TMEM220: variants seen among roughly 807,000 people sequenced by gnomAD.
The protein encoded by TMEM220 is transmembrane protein 220.
A neutral mutation model predicts 21.7 loss-of-function variants in TMEM220; 21 were observed. The observed-to-expected ratio is 0.97, with a 90% CI of 0.69 to 1.39. The LOEUF (loss-of-function observed/expected upper bound fraction) is 1.39, where lower values mean the gene tolerates loss of function less well. Among genes scored for constraint, TMEM220 ranks in the 40% most tolerant of loss-of-function variants. The probability of loss-of-function intolerance (pLI) is 0.00; values close to 1 mark genes in which losing one functional copy is unlikely to be tolerated. For synonymous variants in TMEM220, 80 were observed against 73.6 expected (o/e 1.09, Z -0.45); for missense variants, 191 against 201.9 (o/e 0.95, Z 0.33).
At position 10,715,349 on chromosome 17, in the gene TMEM220, C is replaced by CTG; in HGVS notation, c.*103_*104insCA. On this transcript the variant is annotated 3_prime_UTR_variant, in exon 6 of 6. Coordinates refer to ENST00000341871, the MANE Select transcript of TMEM220 (RefSeq NM_001004313.3). ...TAAAAAGTTATTTGGAGTTTTAAAA[C>CTG]TATTAGCCCAAATTACCTGAAATAA... 1.2e-6 allele frequency: 1 copy of CTG among 832,008 alleles called. No individual in the cohort carries two copies. The highest frequency in any genetic ancestry group is 4.8e-5 in the African/African-American group (1 of 20,696). 51.5% of individuals were successfully genotyped at this position (832,008 alleles called of 1,614,324 possible). A position where few individuals can be genotyped will look rare whatever the true frequency, so the allele number is the denominator to read the frequency against.
Position 10,729,847 on chromosome 17 carries a change from G to T in TMEM220, c.5C>A (p.Ala2Glu). ...GTTGCAGGCCCGCCACAGCGCTGGCGCCATGGCTCGGAGAACACGGCGCGG... is the reference window on the plus strand; with the variant it reads ...GTTGCAGGCCCGCCACAGCGCTGGCTCCATGGCTCGGAGAACACGGCGCGG... M[A>E]PALWRACNGL... The change falls in exon 1 of 6, where the codon GCG becomes GAG. Residue 2 changes from alanine to glutamate, a missense_variant. Coordinates refer to ENST00000341871, the MANE Select transcript of TMEM220 (RefSeq NM_001004313.3). 7 of 1,356,526 alleles carry T rather than the reference G, an allele frequency of 5.2e-6. No individual in the cohort carries two copies. Among genetic ancestry groups the T allele is most frequent in the Non-Finnish European group, 6.7e-6 (7 of 1,048,652 alleles). The allele number at this position is 1,356,526 out of a possible 1,614,324, so 84.0% of individuals were successfully genotyped here.
intron 3 of TMEM220, among the ~76,000 whole-genome samples, chr17:10,725,364 T>C (rs1299137175): frequency 6.6e-6 from 1 of 152,152 alleles, no homozygotes; most frequent in Non-Finnish European, 1.5e-5. Flanking sequence ...CCTAGGATGA[T>C]TACCCTTATT....
At position 10,725,038 on chromosome 17, in the gene TMEM220, T is replaced by C; in HGVS notation, c.260A>G (p.Gln87Arg). Residue 87 changes from glutamine (Q) to arginine (R), a missense_variant, in exon 4 of 6, where the codon CAG becomes CGG. By Grantham distance (43) the Gln-to-Arg change is conservative. Coordinates refer to ENST00000341871, the MANE Select transcript of TMEM220 (RefSeq NM_001004313.3). The part of the protein sequence containing the change: ...LASYLLHRTQ[Q>R]NILHEEEGRE... ...GCCTTCTTCCTCATGTAAGATGTTC[T>C]GTTGTGTACGATGCAAGAGGTAGGA... The C allele has an allele frequency of 6.2e-7, 1 of 1,614,188 alleles. No individual in the cohort carries two copies. The highest frequency in any genetic ancestry group is 8.5e-7 in the Non-Finnish European group (1 of 1,180,022).
chr17:10,715,865 G>T, intron 5 of TMEM220: 2 of 348,314 alleles, frequency 5.7e-6, no homozygotes, highest in Non-Finnish European at 1.0e-5. Context: ...TTTTCCTAAT[G>T]ATTTTTGTGC....
intron 1 of TMEM220, among the ~76,000 whole-genome samples, chr17:10,729,519 G>A (rs932235466): frequency 7.2e-5 from 11 of 152,340 alleles, no homozygotes; most frequent in South Asian, 6.2e-4. Flanking sequence ...CGCTTCTTCT[G>A]AGGTCCCCTG....
intron 5 of TMEM220, among the ~76,000 whole-genome samples, chr17:10,721,530 G>C (rs909991999): frequency 1.4e-5 from 2 of 147,710 alleles, no homozygotes; most frequent in East Asian, 4.1e-4. Flanking sequence ...GCTTGAACCC[G>C]GGAGGCAGAG....
chr17:10,727,913 C>T lies in TMEM220; in HGVS notation c.102+1118G>A, dbSNP rs887942348. 2.0e-5 allele frequency among the ~76,000 whole-genome samples: 3 copies of T among 152,140 alleles called. No individual in the cohort carries two copies. The East Asian group carries it at 5.8e-4, about 29-fold the overall frequency. On this transcript the variant is annotated intron_variant, in intron 2 of 5. Coordinates refer to ENST00000341871, the MANE Select transcript of TMEM220 (RefSeq NM_001004313.3). Reference sequence around the variant, plus strand: ...CGGTGACTCATGTCTGTAATCCCAGCACTTTGGGAGGCTGAGGCAGGTGGA... The same window carrying T: ...CGGTGACTCATGTCTGTAATCCCAGTACTTTGGGAGGCTGAGGCAGGTGGA...
downstream of TMEM220, among the ~76,000 whole-genome samples, chr17:10,711,402 G>A (rs1297427269): frequency 6.6e-6 from 1 of 152,138 alleles, no homozygotes. Context: ...CCTCATGAGG[G>A]ATCTTATTTG....
chr17:10,711,374 T>C (rs1238327501), downstream of TMEM220: 2 of 499,368 alleles, frequency 4.0e-6, no homozygotes, highest in Non-Finnish European at 7.2e-6. Context: ...TGTATAGTCC[T>C]CATAAGGGGC....
chr17:10,719,369 C>G (rs555118026), intron 5 of TMEM220, among the ~76,000 whole-genome samples: 1 of 152,070 alleles, frequency 6.6e-6, no homozygotes, highest in Non-Finnish European at 1.5e-5. Context: ...CTCCACCTCC[C>G]GGTTTCTCCT....
At chr17:10,724,946 C>T in intron 4 of TMEM220, 65 bp downstream of exon 4, 1 of 1,605,480 alleles carries the variant, frequency 6.2e-7, no homozygotes, top group South Asian at 1.1e-5. Flanking sequence ...TGAGGTGTTG[C>T]AAACACGATT....
chr17:10,711,902 T>C (rs1036571110), downstream of TMEM220, among the ~76,000 whole-genome samples: 2 of 152,230 alleles, frequency 1.3e-5, no homozygotes, highest in African/African-American at 2.4e-5. Context: ...TATTCAGGTG[T>C]GGAGAAAGTT....
At chr17:10,729,225 A>G (rs888261868) in intron 1 of TMEM220, among the ~76,000 whole-genome samples, 165 bp from the exon 2 acceptor site, 5 of 152,174 alleles carry the variant, frequency 3.3e-5, no homozygotes, top group Non-Finnish European at 7.3e-5. Flanking sequence ...GGACGGGTGA[A>G]GGGGTTTCTG....
chr17:10,722,262 T>G (rs1338246248), intron 5 of TMEM220, among the ~76,000 whole-genome samples: 2 of 152,238 alleles, frequency 1.3e-5, no homozygotes, highest in African/African-American at 4.8e-5. Flanking sequence ...CCCAAAGTGC[T>G]GAGATTACAG....
chr17:10,721,154 G>A (rs774431298), intron 5 of TMEM220, among the ~76,000 whole-genome samples: 9 of 152,120 alleles, frequency 5.9e-5, no homozygotes, highest in Admixed American at 1.3e-4. Flanking sequence ...CATGCGCCTG[G>A]AACATCTTGT....
Position 10,729,772 on chromosome 17 carries a change from C to T in TMEM220, c.72+8G>A, listed in dbSNP as rs774981653. 3 of 1,387,610 alleles carry T rather than the reference C, an allele frequency of 2.2e-6. No individual in the cohort carries two copies. The highest frequency in any genetic ancestry group is 3.1e-5 in the South Asian group (2 of 64,798). The allele number at this position is 1,387,610 out of a possible 1,614,324, so 86.0% of individuals were successfully genotyped here. ...GGGCGGGTCCCCCTCCCACCGCGGC[C>T]GCCTGACCTGCACCAAGGCCGCCAG... On this transcript the variant is annotated splice_region_variant and intron_variant, in intron 1 of 5. Coordinates refer to ENST00000341871, the MANE Select transcript of TMEM220 (RefSeq NM_001004313.3).
chr17:10,726,107 G>C, intron 3 of TMEM220, 97 bp downstream of exon 3: 2 of 925,780 alleles, frequency 2.2e-6, no homozygotes, highest in Admixed American at 1.8e-5. Flanking sequence ...AAGGCCTAGA[G>C]AGCCCCGTTT....
Position 10,713,748 on chromosome 17 carries a change from TTAGA to T in TMEM220, c.*1701_*1704del, listed in dbSNP as rs1457691476. 2 of 152,232 alleles carry T rather than the reference TTAGA, an allele frequency of 1.3e-5. No individual in the cohort carries two copies. Among genetic ancestry groups the T allele is most frequent in the Non-Finnish European group, 2.9e-5 (2 of 68,042 alleles). The allele number at this position is 152,232 out of a possible 1,614,324, so 9.4% of individuals were successfully genotyped here. ...CTTTTTACTCATTCAAGTCTTAATC[TTAGA>T]TAATTTCTCACCATTCAGTGGCCAC... On this transcript the variant is annotated 3_prime_UTR_variant, in exon 6 of 6. Coordinates refer to ENST00000341871, the MANE Select transcript of TMEM220 (RefSeq NM_001004313.3).
chr17:10,712,777 G>A (rs1218456275), downstream of TMEM220, among the ~76,000 whole-genome samples: 13 of 152,234 alleles, frequency 8.5e-5, no homozygotes, highest in Non-Finnish European at 1.3e-4. Context: ...CGGGCTGGGA[G>A]AAGGGGGATG....
Sources: gnomAD v4.1 joint callset for allele counts (sites outside exome capture counted in the v4.1 genomes callset) on GRCh38, gnomAD v4.1.1 for gene constraint, MANE v1.5 for transcripts, NCBI Gene and HGNC (gene_info 2026-07-23, HGNC 2026-07-21) for gene names.